VRK2: variants seen among roughly 807,000 people sequenced by gnomAD.
The protein encoded by VRK2 is VRK serine/threonine kinase 2.
A neutral mutation model predicts 57.6 loss-of-function variants in VRK2; 60 were observed. The observed-to-expected ratio is 1.04, with a 90% CI of 0.85 to 1.29. The LOEUF (loss-of-function observed/expected upper bound fraction) is 1.29, where lower values mean the gene tolerates loss of function less well. Among genes scored for constraint, VRK2 ranks in the 50% most tolerant of loss-of-function variants. VRK2 has a pLI of 0.00. For synonymous variants in VRK2, 231 were observed against 199.2 expected, an observed-to-expected ratio of 1.16 and a Z score of -1.35; for missense variants, 705 against 588.1, an observed-to-expected ratio of 1.20 and a Z score of -2.06.
chr2:57,944,823 C>T (rs953342786), intron 1 of VRK2, among the ~76,000 whole-genome samples: 6 of 126,052 alleles, frequency 4.8e-5, no homozygotes, highest in African/African-American at 2.8e-4. Context: ...CCCCTTGTTC[C>T]CTTTTTTTCA....
chr2:57,993,792 T>G (rs1672843425), intron 1 of VRK2, among the ~76,000 whole-genome samples: 2 of 152,124 alleles, frequency 1.3e-5, no homozygotes, highest in South Asian at 4.1e-4. Context: ...GCTCTTTGAT[T>G]TTTGTCAGGA....
At chr2:58,146,286 T>G (rs755967462) in intron 11 of VRK2, 30 bp from the exon 12 acceptor site, 1 of 1,541,092 alleles carries the variant, frequency 6.5e-7, no homozygotes, top group South Asian at 1.3e-5. Context: ...AAGTTTTCAT[T>G]ATATATTATT....
intron 9 of VRK2, among the ~76,000 whole-genome samples, chr2:58,133,046 T>C (rs542361385): frequency 6.6e-6 from 1 of 152,248 alleles, no homozygotes; most frequent in East Asian, 1.9e-4. Flanking sequence ...TCCAACTAGT[T>C]TACCTAATTA....
intron 7 of VRK2, among the ~76,000 whole-genome samples, chr2:58,103,746 A>G (rs1674351322): frequency 6.6e-6 from 1 of 151,760 alleles, no homozygotes; most frequent in Non-Finnish European, 1.5e-5. Context: ...AGTTCATTCT[A>G]CAAAGCCAGT....
intron 1 of VRK2, among the ~76,000 whole-genome samples, chr2:58,019,011 A>C (rs1336825387): frequency 1.3e-5 from 2 of 152,212 alleles, no homozygotes. Context: ...TATCAATATT[A>C]CAGAACTTTT....
At position 58,131,844 on chromosome 2, in the gene VRK2, A is replaced by G. The variant is rs762863823; in HGVS notation, c.713A>G (p.Tyr238Cys). ...SRRSDVEILG[Y>C]CMLRWLCGKL... Reference sequence around the variant, plus strand: ...CGAAGTGACGTTGAGATCCTCGGCTACTGCATGCTGCGGTGGTTGTGTGGG... The same window carrying G: ...CGAAGTGACGTTGAGATCCTCGGCTGCTGCATGCTGCGGTGGTTGTGTGGG... The change falls in exon 9 of 13, where the codon TAC (tyrosine) becomes TGC (cysteine). Residue 238 changes from tyrosine to cysteine, a missense_variant. Physicochemically the swap from Tyr to Cys is radical, Grantham distance 194 (BLOSUM62 -2). Coordinates refer to ENST00000340157, the MANE Select transcript of VRK2 (RefSeq NM_006296.7). 6.2e-7 allele frequency: 1 copy of G among 1,613,958 alleles called. No individual in the cohort carries two copies. Among genetic ancestry groups the G allele is most frequent in the East Asian group, 2.2e-5 (1 of 44,876 alleles).
intron 8 of VRK2, among the ~76,000 whole-genome samples, chr2:58,128,180 A>G (rs1395247935): frequency 6.6e-6 from 1 of 152,080 alleles, no homozygotes; most frequent in Non-Finnish European, 1.5e-5. Context: ...CAGATCTTCC[A>G]CTCATTTATT....
At chr2:58,049,106 TAATA>T (rs1675320329) in intron 2 of VRK2, 139 bp downstream of exon 2, 1 of 1,104,278 alleles carries the variant, frequency 9.1e-7, no homozygotes, top group African/African-American at 1.6e-5. Context: ...GATTAAGTAA[TAATA>T]GAGTACAGTG....
chr2:58,084,974 C>T (rs779232099), intron 4 of VRK2, 24 bp downstream of exon 4: 2 of 1,557,656 alleles, frequency 1.3e-6, no homozygotes, highest in East Asian at 4.7e-5. Context: ...GCAAAGCAAG[C>T]TACTTCCATA....
chr2:57,973,894 G>A (rs1672169780), intron 1 of VRK2, among the ~76,000 whole-genome samples: 1 of 151,746 alleles, frequency 6.6e-6, no homozygotes, highest in African/African-American at 2.4e-5. Flanking sequence ...TTAAGAAAGA[G>A]CCCATTTTAG....
chr2:58,089,841 T>G (rs150792831), intron 7 of VRK2, 118 bp downstream of exon 7: 1 of 657,842 alleles, frequency 1.5e-6, no homozygotes, highest in African/African-American at 1.8e-5. Flanking sequence ...ATGAATGTTG[T>G]AATTTATCTT....
chr2:58,155,969 G>C (rs1260635902), intron 12 of VRK2, among the ~76,000 whole-genome samples: 3 of 151,230 alleles, frequency 2.0e-5, no homozygotes, highest in Non-Finnish European at 4.4e-5. Context: ...CAGAACGCAG[G>C]CTCTTTTATG....
At chr2:58,017,297 A>G (rs903736433) in intron 1 of VRK2, among the ~76,000 whole-genome samples, 1 of 152,168 alleles carries the variant, frequency 6.6e-6, no homozygotes, top group Non-Finnish European at 1.5e-5. Flanking sequence ...TGCACCAGTA[A>G]AAGTCATTTT....
At chr2:58,037,538 G>A (rs570854544) in intron 3 of VRK2, among the ~76,000 whole-genome samples, 1 of 152,186 alleles carries the variant, frequency 6.6e-6, no homozygotes, top group African/African-American at 2.4e-5. Context: ...AAAGCTGTTT[G>A]TGGAAGACAC....
intron 1 of VRK2, among the ~76,000 whole-genome samples, chr2:57,909,206 C>T (rs1202734379): frequency 6.6e-6 from 1 of 152,154 alleles, no homozygotes; most frequent in African/African-American, 2.4e-5. Context: ...CATAACTGAA[C>T]TCATTTGACT....
At chr2:58,057,275 G>A (rs991596050) in intron 2 of VRK2, among the ~76,000 whole-genome samples, 9 of 152,118 alleles carry the variant, frequency 5.9e-5, no homozygotes, top group East Asian at 1.9e-4. Context: ...TGTGACCTGC[G>A]TGTAAGGCAC....
At chr2:57,945,442 G>C (rs1192082872) in intron 1 of VRK2, among the ~76,000 whole-genome samples, 1 of 152,060 alleles carries the variant, frequency 6.6e-6, no homozygotes, top group African/African-American at 2.4e-5. Flanking sequence ...ACTTTTCTGA[G>C]AAAATACAAA....
chr2:57,907,954 T>C (rs1669876014), intron 1 of VRK2: 1 of 152,102 alleles, frequency 6.6e-6, no homozygotes, highest in African/African-American at 2.4e-5. Context: ...AACATGATAA[T>C]CCAAGTACAG....
At chr2:58,079,700 T>C (rs561416567) in intron 2 of VRK2, among the ~76,000 whole-genome samples, 12 of 152,164 alleles carry the variant, frequency 7.9e-5, no homozygotes, top group Non-Finnish European at 1.5e-4. Flanking sequence ...ACCAACTTAA[T>C]ATTATAAATT....
Sources: gnomAD v4.1 joint callset for allele counts (sites outside exome capture counted in the v4.1 genomes callset) on GRCh38, gnomAD v4.1.1 for gene constraint, MANE v1.5 for transcripts, NCBI Gene and HGNC (gene_info 2026-07-23, HGNC 2026-07-21) for gene names.